Variants in ADSL observed in about 807,000 individuals in gnomAD.
ADSL encodes adenylosuccinate lyase.
Under a neutral mutation model 62.1 loss-of-function variants are expected in ADSL, and 44 were observed. The ratio of observed to expected loss-of-function variants is 0.71; its 90% confidence interval spans 0.56 to 0.91. The LOEUF is 0.91. Ranked by LOEUF, ADSL falls within the 40% of genes least tolerant of loss-of-function variation. The pLI, the probability that ADSL is intolerant of heterozygous loss-of-function variation, is 0.00. For synonymous variants in ADSL, 198 were observed against 220.5 expected (o/e 0.90, Z 0.90); for missense variants, 531 against 627.4 (o/e 0.85, Z 1.64).
chr22:40,359,382 C>T, intron 6 of ADSL, 76 bp downstream of exon 6: 1 of 1,496,456 alleles, frequency 6.7e-7, no homozygotes, highest in Non-Finnish European at 9.3e-7. Context: ...GCAGATTTGA[C>T]CTTACAATTT....
chr22:40,382,950 G>A (rs929168143), intron 2 of ADSL, among the ~76,000 whole-genome samples: 1 of 152,228 alleles, frequency 6.6e-6, no homozygotes, highest in African/African-American at 2.4e-5. Context: ...CAGTAACACT[G>A]TATAAAGGTG....
In ADSL at chr22:40,361,699, G is replaced by A. The variant is rs1440982444; in HGVS notation, c.1010+64G>A. On this transcript the variant is annotated intron_variant, in intron 9 of 12. Transcript: ENST00000623063. ...GGAGGTCTGAAGGAGGGACCTAGAA[G>A]TAAAAGGACATATTTGAGCATCTCT... 15 of 1,584,700 alleles carry A rather than the reference G, an allele frequency of 9.5e-6. No homozygotes were observed. The East Asian group carries it at 3.1e-4, about 33-fold the overall frequency.
intron 2 of ADSL, among the ~76,000 whole-genome samples, chr22:40,386,817 C>G (rs924722896): frequency 2.0e-5 from 3 of 151,850 alleles, no homozygotes; most frequent in Non-Finnish European, 4.4e-5. Flanking sequence ...TGCCCTGCAC[C>G]CCAGTACTAA....
At chr22:40,361,687 A>C (rs1223903390) in intron 9 of ADSL, 52 bp downstream of exon 9, 3 of 1,597,852 alleles carry the variant, frequency 1.9e-6, no homozygotes, top group Middle Eastern at 1.6e-4. Context: ...GGTCTGAAGG[A>C]GGGACCTAGA....
At chr22:40,364,522 AT>A in intron 11 of ADSL, 157 bp downstream of exon 11, 1 of 749,202 alleles carries the variant, frequency 1.3e-6, no homozygotes, top group Non-Finnish European at 2.3e-6. Context: ...ATGGAGGGTG[AT>A]TTTGGTGAAC....
At chr22:40,370,327 CCTGGGTGACAGAGCGAGA>C (rs1261415879), downstream of ADSL, among the ~76,000 whole-genome samples, 2 of 149,782 alleles carry the variant, frequency 1.3e-5, no homozygotes, top group African/African-American at 4.9e-5. Flanking sequence ...TGCACTTCAG[CCTGGGTGACAGAGCGAGA>C]CTCCATCTCA....
At position 40,363,945 on chromosome 22, in the gene ADSL, C is replaced by T. The variant is rs375957978; in HGVS notation, c.1102-331C>T. Among the ~76,000 whole-genome samples the T allele has an allele frequency of 7.8e-4, 119 of 152,096 alleles. 1 individual carries two copies. The highest frequency in any genetic ancestry group is 1.2e-3 in the East Asian group (6 of 5,172). ...TACAAAAATTATCTGGACGTGGTGG[C>T]GGGCGCCTGTAGTCCCAGCTACTCG... is the stretch of plus-strand genomic sequence containing the variant. On this transcript the variant is annotated intron_variant, in intron 10 of 12. Transcript: ENST00000623063.
chr22:40,384,838 C>G (rs1342165421), intron 2 of ADSL, among the ~76,000 whole-genome samples: 2 of 152,114 alleles, frequency 1.3e-5, no homozygotes, highest in Non-Finnish European at 2.9e-5. Flanking sequence ...TGAAGCTATC[C>G]AACAATAAGT....
At chr22:40,371,798 G>A (rs2045547703), downstream of ADSL, among the ~76,000 whole-genome samples, 1 of 151,940 alleles carries the variant, frequency 6.6e-6, no homozygotes, top group Non-Finnish European at 1.5e-5. Context: ...CCGGATTCAA[G>A]TGATTCTCCT....
At chr22:40,378,901 T>C (rs1211208244) in intron 2 of ADSL, among the ~76,000 whole-genome samples, 1 of 152,172 alleles carries the variant, frequency 6.6e-6, no homozygotes, top group Non-Finnish European at 1.5e-5. Flanking sequence ...TTTTCCAACC[T>C]AGTCTCTTAT....
At chr22:40,373,728 G>A (rs1379006716), downstream of ADSL, among the ~76,000 whole-genome samples, 1 of 150,878 alleles carries the variant, frequency 6.6e-6, no homozygotes. Flanking sequence ...CAGTTCTCCT[G>A]CCTCAGCCTC....
At chr22:40,384,628 A>G (rs374773940) in intron 2 of ADSL, among the ~76,000 whole-genome samples, 8 of 152,074 alleles carry the variant, frequency 5.3e-5, no homozygotes, top group African/African-American at 1.7e-4. Flanking sequence ...AAAATACAAA[A>G]AATTAGCTGG....
At chr22:40,358,069 C>T (rs1308092960) in intron 4 of ADSL, among the ~76,000 whole-genome samples, 3 of 152,168 alleles carry the variant, frequency 2.0e-5, no homozygotes, top group African/African-American at 2.4e-5. Flanking sequence ...TGAGCCACCG[C>T]GCCTGGCCTA....
In ADSL at chr22:40,367,515, G is replaced by A. The variant is rs1282133018; in HGVS notation, c.*993G>A. The A allele has an allele frequency of 1.8e-5, 3 of 167,718 alleles. No homozygotes were observed. The highest frequency in any genetic ancestry group is 1.5e-5 in the Non-Finnish European group (1 of 68,276). 10.4% of individuals were successfully genotyped at this position (167,718 alleles called of 1,614,324 possible). A position where few individuals can be genotyped will look rare whatever the true frequency, so the allele number is the denominator to read the frequency against. On this transcript the variant is annotated 3_prime_UTR_variant, in exon 13 of 13. Transcript: ENST00000623063. Reference sequence around the variant, plus strand: ...AAGAACGTTGTCTGTGTCATTCCTTGTTGTATTTCCAATAGCAAGAGCACA... The same window carrying A: ...AAGAACGTTGTCTGTGTCATTCCTTATTGTATTTCCAATAGCAAGAGCACA...
chr22:40,357,726 C>T (rs62239072), intron 4 of ADSL, among the ~76,000 whole-genome samples: 2 of 152,138 alleles, frequency 1.3e-5, no homozygotes, highest in Non-Finnish European at 2.9e-5. Flanking sequence ...TTACCTTCAT[C>T]GTTCTTTTAT....
intron 1 of ADSL, among the ~76,000 whole-genome samples, 171 bp from the exon 2 acceptor site, chr22:40,349,660 AC>A (rs1406453807): frequency 2.0e-5 from 3 of 151,704 alleles, no homozygotes; most frequent in Non-Finnish European, 4.4e-5. Context: ...CCCCACCTCG[AC>A]CCCACTACCC....
At chr22:40,349,768 G>C (rs576810607) in intron 1 of ADSL, 64 bp from the exon 2 acceptor site, 2 of 1,439,854 alleles carry the variant, frequency 1.4e-6, no homozygotes, top group South Asian at 2.4e-5. Context: ...TTTTTCCTTG[G>C]TGTCACTTCA....
intron 2 of ADSL, among the ~76,000 whole-genome samples, chr22:40,380,938 ATAAAT>A (rs1371640783): frequency 1.3e-5 from 2 of 152,116 alleles, no homozygotes; most frequent in Non-Finnish European, 2.9e-5. Context: ...CTGCTCAAAA[ATAAAT>A]TAATAAATTA....
At chr22:40,377,500 AG>A (rs1463289951) in intron 2 of ADSL, among the ~76,000 whole-genome samples, 1 of 152,200 alleles carries the variant, frequency 6.6e-6, no homozygotes, top group East Asian at 1.9e-4. Context: ...CTTGCAGCTG[AG>A]ACACCTTTAA....
Sources: allele counts gnomAD v4.1 joint callset (sites outside exome capture counted in the v4.1 genomes callset), GRCh38; gene constraint gnomAD v4.1.1; transcripts MANE v1.5; gene names NCBI Gene and HGNC (gene_info 2026-07-23, HGNC 2026-07-21).